Variants in AGMO observed in about 807,000 individuals in gnomAD.
AGMO encodes alkylglycerol monooxygenase, also known as glyceryl-ether monooxygenase.
AGMO carries 75 observed loss-of-function variants against 60.2 expected under a neutral mutation model. That is an observed-to-expected ratio of 1.25 (90% CI 1.03 to 1.51). The LOEUF (loss-of-function observed/expected upper bound fraction) is 1.51. Among genes scored for constraint, AGMO ranks in the 40% most tolerant of loss-of-function variants. AGMO has a pLI of 0.00. For missense variants in AGMO, 763 were observed against 525.5 expected (o/e 1.45, Z -4.42); for synonymous variants, 261 against 177.1 (o/e 1.47, Z -3.76).
the AGMO span, among the ~76,000 whole-genome samples, chr7:15,168,429 G>T: frequency 1.3e-5 from 2 of 152,192 alleles, no homozygotes; most frequent in African/African-American, 4.8e-5. Flanking sequence ...GAGGCCCTAA[G>T]CTCACAAATT....
At chr7:15,561,682 A>G in intron 1 of AGMO, 38 bp downstream of exon 1, 2 of 1,535,840 alleles carry the variant, frequency 1.3e-6, no homozygotes, top group Non-Finnish European at 1.8e-6. Context: ...TTAAGAAAGC[A>G]GCAAGAATAA....
chr7:15,500,766 C>T (rs1359840660), intron 3 of AGMO, among the ~76,000 whole-genome samples: 6 of 151,736 alleles, frequency 4.0e-5, no homozygotes, highest in East Asian at 1.9e-4. Flanking sequence ...TCTAGTTCTT[C>T]GAGCTGTGAT....
chr7:15,481,842 G>C (rs1282402048), intron 3 of AGMO, among the ~76,000 whole-genome samples: 2 of 142,858 alleles, frequency 1.4e-5, no homozygotes, highest in Non-Finnish European at 3.0e-5. Flanking sequence ...TTCAAAAGAT[G>C]GAAATAGCAG....
At chr7:15,546,311 A>G (rs1166650888) in intron 2 of AGMO, among the ~76,000 whole-genome samples, 1 of 152,216 alleles carries the variant, frequency 6.6e-6, no homozygotes, top group Non-Finnish European at 1.5e-5. Flanking sequence ...ATCACCACAC[A>G]TTAAAAAACT....
At chr7:15,222,091 G>C (rs528168455) in intron 12 of AGMO, among the ~76,000 whole-genome samples, 1 of 152,134 alleles carries the variant, frequency 6.6e-6, no homozygotes, top group Admixed American at 6.6e-5. Context: ...GCTATTATTG[G>C]AGGATAAAGC....
chr7:15,482,925 C>A lies in AGMO; in HGVS notation c.410-51817G>T, dbSNP rs76917808. On this transcript the variant is annotated intron_variant, in intron 3 of 12. Transcript: ENST00000342526. Reference sequence around the variant, plus strand: ...TGTAGAAAATTCCCTTGAGAAAACACACATCCATTCATGATTTTTTAAAAT... The same window carrying A: ...TGTAGAAAATTCCCTTGAGAAAACAAACATCCATTCATGATTTTTTAAAAT... Among the ~76,000 whole-genome samples the A allele has an allele frequency of 2.9e-4, 44 of 152,208 alleles. No individual in the cohort carries two copies. The East Asian group carries it at 8.1e-3, about 28-fold the overall frequency.
intron 12 of AGMO, among the ~76,000 whole-genome samples, chr7:15,340,006 T>C (rs540473191): frequency 1.3e-5 from 2 of 152,252 alleles, no homozygotes; most frequent in African/African-American, 2.4e-5. Context: ...ATAGCACAGA[T>C]ACAAGTACAA....
At chr7:15,283,406 G>A (rs1583361599) in intron 12 of AGMO, among the ~76,000 whole-genome samples, 2 of 151,840 alleles carry the variant, frequency 1.3e-5, no homozygotes. Flanking sequence ...TGATGCAAAT[G>A]GAAACCAAAT....
At chr7:15,514,960 G>A (rs1583633582) in intron 3 of AGMO, among the ~76,000 whole-genome samples, 1 of 152,304 alleles carries the variant, frequency 6.6e-6, no homozygotes, top group Admixed American at 6.5e-5. Context: ...ATGGGAGGCA[G>A]TGAGTGAGCT....
chr7:15,425,292 T>C (rs1290049884), intron 4 of AGMO, among the ~76,000 whole-genome samples: 1 of 152,122 alleles, frequency 6.6e-6, no homozygotes, highest in East Asian at 1.9e-4. Flanking sequence ...TAAATATAAA[T>C]GAATATATTT....
chr7:15,223,479 C>T (rs1435154329), intron 12 of AGMO, among the ~76,000 whole-genome samples: 1 of 151,834 alleles, frequency 6.6e-6, no homozygotes, highest in African/African-American at 2.4e-5. Flanking sequence ...AATGAGGAAA[C>T]TAGGTAGATG....
At chr7:15,354,485 TATACACAC>T (rs1316276884) in intron 12 of AGMO, among the ~76,000 whole-genome samples, 8 of 21,726 alleles carry the variant, frequency 3.7e-4, no homozygotes, top group African/African-American at 1.5e-3. Context: ...CACGTGTGTA[TATACACAC>T]GTGTATATAT....
chr7:15,561,950 G>C lies in AGMO; in HGVS notation c.-105C>G, dbSNP rs562687901. 1 of 1,241,260 alleles carries C rather than the reference G, an allele frequency of 8.1e-7. No homozygotes were observed. Among genetic ancestry groups the C allele is most frequent in the Non-Finnish European group, 1.1e-6 (1 of 914,508 alleles). 76.9% of individuals were successfully genotyped at this position (1,241,260 alleles called of 1,614,324 possible). ...ATGTGCAGCTCAGAACAAGCTCTTT[G>C]TCAGAGAACAGCTAAAACCAAAGCT... On this transcript the variant is annotated 5_prime_UTR_variant, in exon 1 of 13. Coordinates refer to ENST00000342526, the MANE Select transcript of AGMO (RefSeq NM_001004320.2).
intron 12 of AGMO, among the ~76,000 whole-genome samples, chr7:15,346,840 T>G (rs944896236): frequency 8.2e-5 from 12 of 145,684 alleles, no homozygotes; most frequent in African/African-American, 3.1e-4. Context: ...AATTAGAACT[T>G]GTTTAAATTA....
At chr7:15,537,405 T>A (rs1784509649) in intron 3 of AGMO, among the ~76,000 whole-genome samples, 1 of 152,156 alleles carries the variant, frequency 6.6e-6, no homozygotes, top group Admixed American at 6.6e-5. Flanking sequence ...CATTACGTTC[T>A]AAGACTAAAA....
intron 10 of AGMO, among the ~76,000 whole-genome samples, chr7:15,384,484 T>C (rs910452639): frequency 1.6e-4 from 24 of 152,170 alleles, no homozygotes; most frequent in African/African-American, 5.1e-4. Flanking sequence ...CATTTTTGTA[T>C]ATTTTATCCA....
At chr7:15,445,851 C>A (rs950299405) in intron 3 of AGMO, among the ~76,000 whole-genome samples, 2 of 152,092 alleles carry the variant, frequency 1.3e-5, no homozygotes. Context: ...TTCCATGAAC[C>A]TCTTCCCTGC....
intron 3 of AGMO, among the ~76,000 whole-genome samples, chr7:15,506,047 A>C (rs1250019937): frequency 6.6e-6 from 1 of 151,866 alleles, no homozygotes; most frequent in Non-Finnish European, 1.5e-5. Context: ...AAAACTACCT[A>C]GAAAGAACAT....
At chr7:15,287,343 T>C (rs1784126922) in intron 12 of AGMO, among the ~76,000 whole-genome samples, 2 of 152,200 alleles carry the variant, frequency 1.3e-5, no homozygotes, top group Non-Finnish European at 2.9e-5. Context: ...AAATGTCTCA[T>C]ATCTGATATT....
Sources: gnomAD v4.1 joint callset for allele counts (sites outside exome capture counted in the v4.1 genomes callset) on GRCh38, gnomAD v4.1.1 for gene constraint, MANE v1.5 for transcripts, NCBI Gene and HGNC (gene_info 2026-07-23, HGNC 2026-07-21) for gene names.